CFAP97: variants seen among roughly 807,000 people sequenced by gnomAD.
CFAP97 encodes the protein cilia- and flagella-associated protein 97.
Under a neutral mutation model 43.1 loss-of-function variants are expected in CFAP97, and 36 were observed. The ratio of observed to expected loss-of-function variants is 0.84; its 90% CI spans 0.64 to 1.10. CFAP97 has a LOEUF of 1.10. Among genes scored for constraint, CFAP97 ranks in the 50% least tolerant of loss-of-function variants. The pLI, the probability that CFAP97 is intolerant of heterozygous loss-of-function variation, is 0.00. For synonymous variants in CFAP97, 228 were observed against 225.7 expected (o/e 1.01, Z -0.09); for missense variants, 657 against 620.3 (o/e 1.06, Z -0.63).
chr4:185,169,280 G>A lies in CFAP97; in HGVS notation c.1321-5101C>T, dbSNP rs79045139. ...CCCCACGTATGGAGGGAGGGACTTGGTGGAAGGTGATTGGATCATGGGGGT... is the reference window on the plus strand; with the variant it reads ...CCCCACGTATGGAGGGAGGGACTTGATGGAAGGTGATTGGATCATGGGGGT... On this transcript the variant is annotated intron_variant, in intron 3 of 4. Coordinates refer to ENST00000458385, the MANE Select transcript of CFAP97 (RefSeq NM_020827.3). 3.1e-3 allele frequency: 468 copies of A among 152,330 alleles called. 18 individuals carry two copies. In the South Asian group the frequency reaches 0.064, roughly 21 times the overall value. 9.4% of individuals were successfully genotyped at this position (152,330 alleles called of 1,614,324 possible).
chr4:185,183,530 T>A (rs1735886379), intron 2 of CFAP97, among the ~76,000 whole-genome samples: 1 of 152,242 alleles, frequency 6.6e-6, no homozygotes, highest in Admixed American at 6.5e-5. Context: ...TGCATTCATA[T>A]CCACCTACCA....
Position 185,178,334 on chromosome 4 carries a change from G to C in CFAP97, c.1055-2283C>G, listed in dbSNP as rs191391118. ...GTGATCTTGGTTCACTGCAACCTCT[G>C]CCTCCCCAGTTCAAGCGATTGTCCT... On this transcript the variant is annotated intron_variant, in intron 2 of 4. Coordinates refer to ENST00000458385, the MANE Select transcript of CFAP97 (RefSeq NM_020827.3). 7.9e-3 allele frequency among the ~76,000 whole-genome samples: 1,057 copies of C among 134,406 alleles called. 6 individuals are homozygous for C. The highest frequency in any genetic ancestry group is 0.037 in the Middle Eastern group (7 of 190). The allele number at this position is 134,406 out of a possible 152,430, so 88.2% of individuals were successfully genotyped here. A position where few individuals can be genotyped will look rare whatever the true frequency, so the allele number is the denominator to read the frequency against.
At chr4:185,180,040 G>A (rs545745345) in intron 2 of CFAP97, among the ~76,000 whole-genome samples, 2 of 152,024 alleles carry the variant, frequency 1.3e-5, no homozygotes, top group Admixed American at 6.5e-5. Flanking sequence ...GTTCTATGTT[G>A]TATATTAATA....
At chr4:185,175,122 G>T (rs184456740) in intron 3 of CFAP97, among the ~76,000 whole-genome samples, 63 of 152,266 alleles carry the variant, frequency 4.1e-4, no homozygotes, top group Admixed American at 1.5e-3. Context: ...TTTCACTAGT[G>T]ACTGAATACT....
In CFAP97 at chr4:185,162,706, G is replaced by T; in HGVS notation, c.*92C>A. The T allele has an allele frequency of 1.5e-6, 2 of 1,342,100 alleles. No individual in the cohort carries two copies. Among genetic ancestry groups the T allele is most frequent in the Non-Finnish European group, 2.1e-6 (2 of 962,206 alleles). 83.1% of individuals were successfully genotyped at this position (1,342,100 alleles called of 1,614,324 possible). A position where few individuals can be genotyped will look rare whatever the true frequency, so the allele number is the denominator to read the frequency against. On this transcript the variant is annotated 3_prime_UTR_variant, in exon 5 of 5. Coordinates refer to ENST00000458385, the MANE Select transcript of CFAP97 (RefSeq NM_020827.3). ...GTTGTACACCTTCAATTGCTAAAAC[G>T]GTATTCTAGATGTTTACACAGAGAA... is the stretch of plus-strand genomic sequence containing the variant.
chr4:185,184,453 T>G (rs1215001136), intron 2 of CFAP97, among the ~76,000 whole-genome samples: 1 of 152,192 alleles, frequency 6.6e-6, no homozygotes, highest in Non-Finnish European at 1.5e-5. Context: ...GGGCCAAATT[T>G]CTTTAAGAAG....
chr4:185,186,750 ACAAAT>A (rs1485342531), intron 2 of CFAP97, among the ~76,000 whole-genome samples: 1 of 151,740 alleles, frequency 6.6e-6, no homozygotes, highest in Non-Finnish European at 1.5e-5. Flanking sequence ...CTACTATTAA[ACAAAT>A]CAATATTTTA....
intron 2 of CFAP97, among the ~76,000 whole-genome samples, chr4:185,187,645 C>A (rs1166509514): frequency 6.6e-6 from 1 of 151,934 alleles, no homozygotes; most frequent in African/African-American, 2.4e-5. Context: ...GGAGCGGCAA[C>A]AACAACAAAG....
chr4:185,176,113 T>G, intron 2 of CFAP97, 62 bp from the exon 3 acceptor site: 1 of 1,294,786 alleles, frequency 7.7e-7, no homozygotes, highest in Non-Finnish European at 1.0e-6. Context: ...TACATGCTTT[T>G]TTTTTTTTTC....
chr4:185,176,824 T>A (rs544852301), intron 2 of CFAP97, among the ~76,000 whole-genome samples: 1 of 152,230 alleles, frequency 6.6e-6, no homozygotes, highest in South Asian at 2.1e-4. Flanking sequence ...AAAAAGTAAC[T>A]CCGAATATTC....
intron 1 of CFAP97, among the ~76,000 whole-genome samples, chr4:185,196,260 G>A (rs576186057): frequency 6.6e-6 from 1 of 152,190 alleles, no homozygotes; most frequent in Non-Finnish European, 1.5e-5. Flanking sequence ...GATCACTTGA[G>A]GTAGGAGTTC....
rs140798044 is a variant in CFAP97 at position 185,199,478 on chromosome 4, G to A, written c.-17+4420C>T. ...GAGGTCAGGAGTTCCAGACCAGCCT[G>A]GCCAACATGGTGAAACCCTGTCTCC... On this transcript the variant is annotated intron_variant, in intron 1 of 4. Transcript: ENST00000458385. 6.9e-3 allele frequency among the ~76,000 whole-genome samples: 1,044 copies of A among 152,188 alleles called. 16 individuals are homozygous for A. Among genetic ancestry groups the A allele is most frequent in the African/African-American group, 0.024 (981 of 41,512 alleles).
intron 4 of CFAP97, 54 bp downstream of exon 4, chr4:185,163,975 T>A (rs1254189455): frequency 1.7e-5 from 26 of 1,519,346 alleles, no homozygotes; most frequent in Non-Finnish European, 2.2e-5. Context: ...TACGTTTTTT[T>A]AAAAAAAGGA....
chr4:185,205,756 G>A (rs1737159151), upstream of CFAP97, among the ~76,000 whole-genome samples: 1 of 152,346 alleles, frequency 6.6e-6, no homozygotes, highest in East Asian at 1.9e-4. Flanking sequence ...TTGAACCCAG[G>A]AGGGAAATGT....
At chr4:185,198,197 C>G (rs909967227) in intron 1 of CFAP97, among the ~76,000 whole-genome samples, 3 of 152,012 alleles carry the variant, frequency 2.0e-5, no homozygotes, top group Admixed American at 2.0e-4. Context: ...AATCCCAACA[C>G]TTCCGGAGGC....
intron 1 of CFAP97, among the ~76,000 whole-genome samples, chr4:185,201,046 C>G (rs72704040): frequency 0.13 from 19,307 of 151,968 alleles, 1,294 homozygotes; most frequent in African/African-American, 0.15. Flanking sequence ...CTGTGAGGCT[C>G]GGTGCTGTGG....
At position 185,164,187 on chromosome 4, in the gene CFAP97, A is replaced by G. The variant is rs756514251; in HGVS notation, c.1321-8T>C. 8 of 1,612,640 alleles carry G rather than the reference A, an allele frequency of 5.0e-6. No individual in the cohort carries two copies. Among genetic ancestry groups the G allele is most frequent in the South Asian group, 3.3e-5 (3 of 90,848 alleles). On this transcript the variant is annotated splice_polypyrimidine_tract_variant and splice_region_variant and intron_variant, in intron 3 of 4. Coordinates refer to ENST00000458385, the MANE Select transcript of CFAP97 (RefSeq NM_020827.3). The stretch of plus-strand genomic sequence containing the variant: ...AAGCCTTTTCAATAAAGCCTTCAAT[A>G]AAGACAATTAATTTGAAAGGCAAGG...
chr4:185,173,151 C>T (rs989450568), intron 3 of CFAP97, among the ~76,000 whole-genome samples: 1 of 152,004 alleles, frequency 6.6e-6, no homozygotes, highest in African/African-American at 2.4e-5. Flanking sequence ...ATCATGTGGT[C>T]AGGAGATCGA....
intron 2 of CFAP97, among the ~76,000 whole-genome samples, chr4:185,179,512 C>G (rs1292482325): frequency 6.6e-6 from 1 of 152,100 alleles, no homozygotes; most frequent in Non-Finnish European, 1.5e-5. Context: ...CTGGAACACA[C>G]GTGCTTAGAA....
Sources: gnomAD v4.1 joint callset for allele counts (sites outside exome capture counted in the v4.1 genomes callset) on GRCh38, gnomAD v4.1.1 for gene constraint, MANE v1.5 for transcripts, NCBI Gene and HGNC (gene_info 2026-07-23, HGNC 2026-07-21) for gene names.